The following FAM43B variants were observed in gnomAD, a reference collection of about 807,000 sequenced individuals.
The protein encoded by FAM43B is family with sequence similarity 43 member B.
FAM43B carries 17 observed loss-of-function variants against 20.1 expected under a neutral mutation model. The ratio of observed to expected loss-of-function variants is 0.84; its 90% CI spans 0.58 to 1.27. FAM43B has a LOEUF of 1.27. FAM43B is among the 50% of genes most tolerant of loss of function. FAM43B has a pLI of 0.00. For missense variants in FAM43B, 512 were observed against 516.7 expected, an observed-to-expected ratio of 0.99 and a Z score of 0.09; for synonymous variants, 208 against 238.5, an observed-to-expected ratio of 0.87 and a Z score of 1.18.
At position 20,553,895 on chromosome 1, in the gene FAM43B, C is replaced by A; in HGVS notation, c.922C>A (p.Pro308Thr). 7.8e-7 allele frequency: 1 copy of A among 1,278,568 alleles called. No homozygotes were observed. Among genetic ancestry groups the A allele is most frequent in the Non-Finnish European group, 9.8e-7 (1 of 1,016,212 alleles). The allele number at this position is 1,278,568 out of a possible 1,614,324, so 79.2% of individuals were successfully genotyped here. A position where few individuals can be genotyped will look rare whatever the true frequency, so the allele number is the denominator to read the frequency against. ...GTGCAGCCTGCGGGGCGCCCCGGCG[C>A]CCCCGCCGCCCGCGCAGCCCCGCCG... ...RTCSLRGAPAPPPPAQPRRWK... is the reference protein window; with the variant it reads ...RTCSLRGAPATPPPAQPRRWK... Residue 308 changes from proline to threonine, a missense_variant, in exon 1 of 1, where the codon CCC becomes ACC. Pro to Thr is a conservative substitution (Grantham distance 38). Transcript: ENST00000332947. This position sits in a 1 kb window ranked among gnomAD's most constrained non-coding sequence, Gnocchi z 6.5.
In FAM43B at chr1:20,553,553, C is replaced by T; in HGVS notation, c.580C>T (p.Leu194Phe). 7.7e-7 allele frequency: 1 copy of T among 1,295,454 alleles called. No individual in the cohort carries two copies. The highest frequency in any genetic ancestry group is 2.4e-5 in the South Asian group (1 of 40,952). The allele number at this position is 1,295,454 out of a possible 1,614,324, so 80.2% of individuals were successfully genotyped here. The change falls in exon 1 of 1, where the codon CTC becomes TTC. Residue 194 changes from leucine to phenylalanine, a missense_variant. Coordinates refer to ENST00000332947, the MANE Select transcript of FAM43B (RefSeq NM_207334.3). The surrounding 1 kb of genome is among the most constrained non-coding windows in gnomAD (Gnocchi z 6.5). ...AHKARALARLLRQTALAAFSD... is the reference protein window; with the variant it reads ...AHKARALARLFRQTALAAFSD... The stretch of plus-strand genomic sequence containing the variant: ...CAAGGCGCGCGCCCTGGCCCGCCTG[C>T]TCCGCCAGACCGCGCTGGCGGCCTT...
chr1:20,553,378 C>T lies in FAM43B; in HGVS notation c.405C>T (p.Arg135=). Residue 135 remains arginine (R), a synonymous_variant, in exon 1 of 1, where the codon CGC becomes CGT. Transcript: ENST00000332947. The surrounding 1 kb of genome is among the most constrained non-coding windows in gnomAD (Gnocchi z 6.5). ...GCGCCGCCGGGGGTTCGGGGGGCCG[C>T]AGGCCGGCGCACGCCTACCTGCTGC... The part of the protein sequence containing the change: ...ERSAAGGSGG[R]RPAHAYLLPR... 6.8e-7 allele frequency: 1 copy of T among 1,473,542 alleles called. No individual in the cohort carries two copies. 91.3% of individuals were successfully genotyped at this position (1,473,542 alleles called of 1,614,324 possible).
At position 20,553,026 on chromosome 1, in the gene FAM43B, G is replaced by A. The variant is rs1557530918; in HGVS notation, c.53G>A (p.Cys18Tyr). Residue 18 changes from cysteine to tyrosine, a missense_variant, in exon 1 of 1, where the codon TGC becomes TAC. By Grantham distance (194) the Cys-to-Tyr change is radical. Coordinates refer to ENST00000332947, the MANE Select transcript of FAM43B (RefSeq NM_207334.3). The surrounding 1 kb of genome is among the most constrained non-coding windows in gnomAD (Gnocchi z 6.5). ...KFVLVEDEAK[C>Y]KAKSLSPGLA... The stretch of plus-strand genomic sequence containing the variant: ...GTGCTGGTGGAGGACGAGGCCAAGT[G>A]CAAGGCGAAGAGCCTGAGTCCGGGG... The A allele has an allele frequency of 3.7e-6, 6 of 1,613,584 alleles. No individual in the cohort carries two copies. The highest frequency in any genetic ancestry group is 2.2e-5 in the South Asian group (2 of 91,076).
rs567604447 is a variant in FAM43B at position 20,553,948 on chromosome 1, G to A, written c.975G>A (p.Ala325=). Residue 325 remains alanine (A), a synonymous_variant, in exon 1 of 1, where the codon GCG becomes GCA. Transcript: ENST00000332947. This position sits in a 1 kb window ranked among gnomAD's most constrained non-coding sequence, Gnocchi z 6.5. The stretch of plus-strand genomic sequence containing the variant: ...GGAAGGCCGGCCCCAGGGAGCGGGC[G>A]GGCCAGGCGCGCTGAGAGCCGAAGG... ...RRWKAGPRER[A]GQAR 39 of 1,226,120 alleles carry A rather than the reference G, an allele frequency of 3.2e-5. No individual in the cohort carries two copies. The South Asian group carries it at 1.3e-3, about 40-fold the overall frequency. The allele number at this position is 1,226,120 out of a possible 1,614,324, so 76.0% of individuals were successfully genotyped here.
chr1:20,554,401 A>T lies in FAM43B; in HGVS notation c.*438A>T. 6.0e-6 allele frequency: 1 copy of T among 167,724 alleles called. No individual in the cohort carries two copies. 10.4% of individuals were successfully genotyped at this position (167,724 alleles called of 1,614,324 possible). ...CAAAAAAAAATGACCCTGGAGAGGC[A>T]TTCTTGTAGGAGAAGAATCTAGCGG... On this transcript the variant is annotated 3_prime_UTR_variant, in exon 1 of 1. Transcript: ENST00000332947.
Position 20,553,385 on chromosome 1 carries a change from G to C in FAM43B, c.412G>C (p.Ala138Pro), listed in dbSNP as rs1288987631. 33 of 1,473,500 alleles carry C rather than the reference G, an allele frequency of 2.2e-5. No homozygotes were observed. Among genetic ancestry groups the C allele is most frequent in the Non-Finnish European group, 2.8e-5 (31 of 1,122,008 alleles). 91.3% of individuals were successfully genotyped at this position (1,473,500 alleles called of 1,614,324 possible). A position where few individuals can be genotyped will look rare whatever the true frequency, so the allele number is the denominator to read the frequency against. The change falls in exon 1 of 1, where the codon GCG becomes CCG. Residue 138 changes from alanine (A) to proline (P), a missense_variant. Coordinates refer to ENST00000332947, the MANE Select transcript of FAM43B (RefSeq NM_207334.3). This position sits in a 1 kb window ranked among gnomAD's most constrained non-coding sequence, Gnocchi z 6.5. ...CGGGGGTTCGGGGGGCCGCAGGCCG[G>C]CGCACGCCTACCTGCTGCCGCGCAT... The part of the protein sequence containing the change: ...AAGGSGGRRP[A>P]HAYLLPRITY...
Position 20,552,920 on chromosome 1 carries a change from C to T in FAM43B, c.-54C>T. The stretch of plus-strand genomic sequence containing the variant: ...GCGCGCCTTCCCTCCCCCGGTCTCC[C>T]GACAGGACGCCGGTGAGCTCCCTGC... On this transcript the variant is annotated 5_prime_UTR_variant, in exon 1 of 1. Coordinates refer to ENST00000332947, the MANE Select transcript of FAM43B (RefSeq NM_207334.3). The T allele has an allele frequency of 6.3e-7, 1 of 1,591,442 alleles. No homozygotes were observed. The highest frequency in any genetic ancestry group is 8.5e-7 in the Non-Finnish European group (1 of 1,170,094).
In FAM43B at chr1:20,553,172, A is replaced by T; in HGVS notation, c.199A>T (p.Lys67Ter). 4.3e-6 allele frequency: 7 copies of T among 1,612,938 alleles called. No individual in the cohort carries two copies. Among genetic ancestry groups the T allele is most frequent in the Non-Finnish European group, 5.9e-6 (7 of 1,179,634 alleles). The change falls in exon 1 of 1, where the codon AAG becomes TAG. Residue 67 changes from lysine to a stop codon, truncating the protein, a stop_gained. Coordinates refer to ENST00000332947, the MANE Select transcript of FAM43B (RefSeq NM_207334.3). LOFTEE classifies it high-confidence loss of function. The surrounding 1 kb of genome is among the most constrained non-coding windows in gnomAD (Gnocchi z 6.5). The part of the protein sequence containing the change: ...RSRRQKVELN[K>*]EDPTYTVWYL... ...CCGGCGCCAGAAAGTGGAGCTCAAC[A>T]AGGAGGACCCGACCTACACCGTGTG...
Position 20,553,911 on chromosome 1 carries a change from A to G in FAM43B, c.938A>G (p.Gln313Arg). 8.0e-7 allele frequency: 1 copy of G among 1,257,388 alleles called. No individual in the cohort carries two copies. The highest frequency in any genetic ancestry group is 3.3e-5 in the South Asian group (1 of 30,226). The allele number at this position is 1,257,388 out of a possible 1,614,324, so 77.9% of individuals were successfully genotyped here. The stretch of plus-strand genomic sequence containing the variant: ...GCCCCGGCGCCCCCGCCGCCCGCGC[A>G]GCCCCGCCGCTGGAAGGCCGGCCCC... ...RGAPAPPPPA[Q>R]PRRWKAGPRE... The change falls in exon 1 of 1, where the codon CAG (glutamine) becomes CGG (arginine). Residue 313 changes from glutamine to arginine, a missense_variant. By Grantham distance (43) the Gln-to-Arg change is conservative (BLOSUM62 1). Coordinates refer to ENST00000332947, the MANE Select transcript of FAM43B (RefSeq NM_207334.3). The surrounding 1 kb of genome is among the most constrained non-coding windows in gnomAD (Gnocchi z 6.5).
Position 20,553,886 on chromosome 1 carries a change from GC to G in FAM43B, c.917del (p.Pro306ArgfsTer77). The G allele has an allele frequency of 1.5e-6, 2 of 1,299,726 alleles. No individual in the cohort carries two copies. The highest frequency in any genetic ancestry group is 2.4e-5 in the South Asian group (1 of 42,538). The allele number at this position is 1,299,726 out of a possible 1,614,324, so 80.5% of individuals were successfully genotyped here. A position where few individuals can be genotyped will look rare whatever the true frequency, so the allele number is the denominator to read the frequency against. On this transcript the variant is annotated frameshift_variant, in exon 1 of 1. Transcript: ENST00000332947. LOFTEE classifies it high-confidence loss of function. The surrounding 1 kb of genome is among the most constrained non-coding windows in gnomAD (Gnocchi z 6.5). ...GCTGAGGACGTGCAGCCTGCGGGGC[GC>G]CCCGGCGCCCCCGCCGCCCGCGCAG... is the stretch of plus-strand genomic sequence containing the variant. The part of the protein sequence containing the change: ...RELRTCSLRG[A>X]PAPPPPAQPR...
chr1:20,554,034 C>G lies in FAM43B; in HGVS notation c.*71C>G. ...TCACAGCCTCCAACCCCGGCCCTGC[C>G]CGCTTCGGCTGCCCCGGCCCCCGGC... On this transcript the variant is annotated 3_prime_UTR_variant, in exon 1 of 1. Coordinates refer to ENST00000332947, the MANE Select transcript of FAM43B (RefSeq NM_207334.3). The G allele has an allele frequency of 1.7e-6, 2 of 1,200,396 alleles. No individual in the cohort carries two copies. Among genetic ancestry groups the G allele is most frequent in the South Asian group, 4.2e-5 (1 of 23,760 alleles). The allele number at this position is 1,200,396 out of a possible 1,614,324, so 74.4% of individuals were successfully genotyped here. A position where few individuals can be genotyped will look rare whatever the true frequency, so the allele number is the denominator to read the frequency against.
chr1:20,553,585 C>G lies in FAM43B; in HGVS notation c.612C>G (p.Asp204Glu), dbSNP rs2052156505. 14 of 1,281,608 alleles carry G rather than the reference C, an allele frequency of 1.1e-5. No individual in the cohort carries two copies. The highest frequency in any genetic ancestry group is 1.4e-5 in the Non-Finnish European group (14 of 1,021,072). 79.4% of individuals were successfully genotyped at this position (1,281,608 alleles called of 1,614,324 possible). A position where few individuals can be genotyped will look rare whatever the true frequency, so the allele number is the denominator to read the frequency against. Residue 204 changes from aspartate to glutamate, a missense_variant, in exon 1 of 1, where the codon GAC becomes GAG. Asp to Glu is a conservative substitution (Grantham distance 45). Transcript: ENST00000332947. The surrounding 1 kb of genome is among the most constrained non-coding windows in gnomAD (Gnocchi z 6.5). The part of the protein sequence containing the change: ...LRQTALAAFS[D>E]FKRLQRQSDA... ...AGACCGCGCTGGCGGCCTTCAGCGACTTCAAGCGCCTGCAGCGCCAGAGCG... is the reference window on the plus strand; with the variant it reads ...AGACCGCGCTGGCGGCCTTCAGCGAGTTCAAGCGCCTGCAGCGCCAGAGCG...
chr1:20,552,873 G>C lies in FAM43B; in HGVS notation c.-101G>C. 3.6e-6 allele frequency: 5 copies of C among 1,403,534 alleles called. No individual in the cohort carries two copies. Among genetic ancestry groups the C allele is most frequent in the Non-Finnish European group, 4.8e-6 (5 of 1,043,718 alleles). The allele number at this position is 1,403,534 out of a possible 1,614,324, so 86.9% of individuals were successfully genotyped here. A position where few individuals can be genotyped will look rare whatever the true frequency, so the allele number is the denominator to read the frequency against. On this transcript the variant is annotated 5_prime_UTR_variant, in exon 1 of 1. Coordinates refer to ENST00000332947, the MANE Select transcript of FAM43B (RefSeq NM_207334.3). The stretch of plus-strand genomic sequence containing the variant: ...TCCCCGGCCCTGCCCAGCTTCTCGC[G>C]ACTCCAGGGCGGTGGACTTCTGCGC...
In FAM43B at chr1:20,553,217, A is replaced by T. The variant is rs770632688; in HGVS notation, c.244A>T (p.Thr82Ser). 1.2e-6 allele frequency: 2 copies of T among 1,613,396 alleles called. No individual in the cohort carries two copies. Among genetic ancestry groups the T allele is most frequent in the South Asian group, 1.1e-5 (1 of 91,072 alleles). Residue 82 changes from threonine (T) to serine (S), a missense_variant, in exon 1 of 1, where the codon ACC (threonine) becomes TCC (serine). By Grantham distance (58) the Thr-to-Ser change is moderately conservative. Transcript: ENST00000332947. The surrounding 1 kb of genome is among the most constrained non-coding windows in gnomAD (Gnocchi z 6.5). ...CGTGTGGTACCTGGGCAACGCCGTCACCCTGCACGCCAAGGGCGACGGCTG... is the reference window on the plus strand; with the variant it reads ...CGTGTGGTACCTGGGCAACGCCGTCTCCCTGCACGCCAAGGGCGACGGCTG... ...YTVWYLGNAV[T>S]LHAKGDGCTD...
In FAM43B at chr1:20,553,354, C is replaced by T. The variant is rs1231956505; in HGVS notation, c.381C>T (p.Ser127=). 3 of 1,494,320 alleles carry T rather than the reference C, an allele frequency of 2.0e-6. No homozygotes were observed. Among genetic ancestry groups the T allele is most frequent in the Non-Finnish European group, 2.7e-6 (3 of 1,129,148 alleles). 92.6% of individuals were successfully genotyped at this position (1,494,320 alleles called of 1,614,324 possible). Residue 127 remains serine (S), a synonymous_variant, in exon 1 of 1, where the codon AGC becomes AGT. Coordinates refer to ENST00000332947, the MANE Select transcript of FAM43B (RefSeq NM_207334.3). This position sits in a 1 kb window ranked among gnomAD's most constrained non-coding sequence, Gnocchi z 6.5. ...TCCGCATGCAGCCGTGCGAGCGCAG[C>T]GCCGCCGGGGGTTCGGGGGGCCGCA... ...HGIRMQPCER[S]AAGGSGGRRP... is the part of the protein sequence containing the mutation.
rs766469924 is a variant in FAM43B, at chr1:20,553,292, G to T, written c.319G>T (p.Gly107Cys). The change falls in exon 1 of 1, where the codon GGC (glycine) becomes TGC (cysteine). Residue 107 changes from glycine to cysteine, a missense_variant. By Grantham distance (159) the Gly-to-Cys change is radical. Coordinates refer to ENST00000332947, the MANE Select transcript of FAM43B (RefSeq NM_207334.3). This position sits in a 1 kb window ranked among gnomAD's most constrained non-coding sequence, Gnocchi z 6.5. ...CTGGGCTCGCTGCGGGCCTGGCGGG[G>T]GCACTAAGATGAAGCTGACGCTGGG... is the stretch of plus-strand genomic sequence containing the variant. ...KIWARCGPGG[G>C]TKMKLTLGPH... 4 of 1,603,930 alleles carry T rather than the reference G, an allele frequency of 2.5e-6. No individual in the cohort carries two copies. The South Asian group carries it at 3.3e-5, about 13-fold the overall frequency.
Position 20,554,535 on chromosome 1 carries a change from T to G in FAM43B, c.*572T>G, listed in dbSNP as rs1200974070. 1 of 167,512 alleles carries G rather than the reference T, an allele frequency of 6.0e-6. No homozygotes were observed. The highest frequency in any genetic ancestry group is 1.5e-5 in the Non-Finnish European group (1 of 68,466). 10.4% of individuals were successfully genotyped at this position (167,512 alleles called of 1,614,324 possible). On this transcript the variant is annotated 3_prime_UTR_variant, in exon 1 of 1. Coordinates refer to ENST00000332947, the MANE Select transcript of FAM43B (RefSeq NM_207334.3). ...CTCTCTACGCCTTGGAGGACTCCTG[T>G]GACTTCACTGCTCTGCCTCTGGAGA...
At position 20,554,002 on chromosome 1, in the gene FAM43B, G is replaced by C; in HGVS notation, c.*39G>C. The C allele has an allele frequency of 8.3e-7, 1 of 1,206,360 alleles. No homozygotes were observed. Among genetic ancestry groups the C allele is most frequent in the East Asian group, 3.5e-5 (1 of 28,188 alleles). 74.7% of individuals were successfully genotyped at this position (1,206,360 alleles called of 1,614,324 possible). Reference sequence around the variant, plus strand: ...GGACTCGCAGCCCCAGGCCCGACCCGCCAGACTCACAGCCTCCAACCCCGG... The same window carrying C: ...GGACTCGCAGCCCCAGGCCCGACCCCCCAGACTCACAGCCTCCAACCCCGG... On this transcript the variant is annotated 3_prime_UTR_variant, in exon 1 of 1. Coordinates refer to ENST00000332947, the MANE Select transcript of FAM43B (RefSeq NM_207334.3).
At position 20,553,888 on chromosome 1, in the gene FAM43B, CCCGGCGCCCCCGCCGCCCGCGCAGCCCCG is replaced by C. The variant is rs2052161821; in HGVS notation, c.919_947del (p.Ala307LeufsTer69). 1 of 1,292,824 alleles carries C rather than the reference CCCGGCGCCCCCGCCGCCCGCGCAGCCCCG, an allele frequency of 7.7e-7. No individual in the cohort carries two copies. The highest frequency in any genetic ancestry group is 2.5e-5 in the South Asian group (1 of 40,598). The allele number at this position is 1,292,824 out of a possible 1,614,324, so 80.1% of individuals were successfully genotyped here. A position where few individuals can be genotyped will look rare whatever the true frequency, so the allele number is the denominator to read the frequency against. ...TGAGGACGTGCAGCCTGCGGGGCGC[CCCGGCGCCCCCGCCGCCCGCGCAGCCCCG>C]CCGCTGGAAGGCCGGCCCCAGGGAG... On this transcript the variant is annotated frameshift_variant, in exon 1 of 1. Transcript: ENST00000332947. LOFTEE classifies it high-confidence loss of function. The surrounding 1 kb of genome is among the most constrained non-coding windows in gnomAD (Gnocchi z 6.5).
Sources: gnomAD v4.1 joint callset for allele counts on GRCh38, gnomAD v4.1.1 for gene constraint, Gnocchi (gnomAD v3.1) non-coding constraint, MANE v1.5 for transcripts, NCBI Gene and HGNC (gene_info 2026-07-23, HGNC 2026-07-21) for gene names.